The following DOK6 variants were observed in gnomAD, a reference collection of about 807,000 sequenced individuals.
DOK6 encodes docking protein 6.
DOK6 carries 22 observed loss-of-function variants against 44.0 expected under a neutral mutation model. The observed-to-expected ratio is 0.50, with a 90% CI of 0.36 to 0.71. The LOEUF is 0.71. DOK6 is among the 30% of genes least tolerant of loss of function. The pLI, the probability that DOK6 is intolerant of heterozygous loss-of-function variation, is 0.00. For synonymous variants in DOK6, 166 were observed against 145.5 expected (o/e 1.14, Z -1.01); for missense variants, 340 against 416.4 (o/e 0.82, Z 1.60).
chr18:69,737,287 G>A (rs890567845), intron 5 of DOK6, among the ~76,000 whole-genome samples: 28 of 152,306 alleles, frequency 1.8e-4, no homozygotes, highest in African/African-American at 6.3e-4. Context: ...AAGGTGAAAC[G>A]GAAGCAGGGA....
intron 1 of DOK6, among the ~76,000 whole-genome samples, chr18:69,545,894 A>T (rs887302892): frequency 3.3e-5 from 5 of 151,448 alleles, no homozygotes; most frequent in African/African-American, 1.2e-4. Context: ...AAGAAACTAA[A>T]CCTAGAATTT....
intron 1 of DOK6, among the ~76,000 whole-genome samples, chr18:69,448,843 T>C (rs1180977825): frequency 6.6e-6 from 1 of 152,230 alleles, no homozygotes; most frequent in East Asian, 1.9e-4. Flanking sequence ...GCCATGTATA[T>C]ATTTGAAAAA....
intron 5 of DOK6, among the ~76,000 whole-genome samples, chr18:69,722,730 T>C (rs549128636): frequency 1.3e-5 from 2 of 152,338 alleles, no homozygotes; most frequent in African/African-American, 4.8e-5. Flanking sequence ...AGCAAAATAC[T>C]TCATATCTCT....
At chr18:69,563,096 A>G (rs1982877705) in intron 1 of DOK6, among the ~76,000 whole-genome samples, 1 of 152,194 alleles carries the variant, frequency 6.6e-6, no homozygotes, top group East Asian at 1.9e-4. Flanking sequence ...CAAAACCACA[A>G]TGCGATACCA....
At chr18:69,429,488 T>C (rs1978735892) in intron 1 of DOK6, among the ~76,000 whole-genome samples, 1 of 151,520 alleles carries the variant, frequency 6.6e-6, no homozygotes, top group Non-Finnish European at 1.5e-5. Flanking sequence ...GTTTCTTAGA[T>C]TCCTGTTTGT....
intron 1 of DOK6, among the ~76,000 whole-genome samples, chr18:69,409,357 A>C (rs1353005076): frequency 6.6e-6 from 1 of 151,854 alleles, no homozygotes; most frequent in Non-Finnish European, 1.5e-5. Flanking sequence ...TTTCCTAACG[A>C]TTTTTCCATT....
chr18:69,438,426 T>C (rs2122437638), intron 1 of DOK6, among the ~76,000 whole-genome samples: 1 of 152,338 alleles, frequency 6.6e-6, no homozygotes, highest in African/African-American at 2.4e-5. Flanking sequence ...ATCTTTAGGT[T>C]CCACTTCTAA....
At chr18:69,624,504 T>A (rs1984512526) in intron 3 of DOK6, among the ~76,000 whole-genome samples, 1 of 152,084 alleles carries the variant, frequency 6.6e-6, no homozygotes, top group Admixed American at 6.5e-5. Context: ...CTGCTAAAAA[T>A]TGTTTAGTGG....
intron 7 of DOK6, among the ~76,000 whole-genome samples, chr18:69,814,404 C>T (rs928470467): frequency 3.9e-5 from 6 of 152,010 alleles, no homozygotes; most frequent in African/African-American, 1.4e-4. Context: ...GATAGATGGT[C>T]CCATCTGGAG....
intron 1 of DOK6, among the ~76,000 whole-genome samples, chr18:69,541,635 G>A (rs17081183): frequency 0.053 from 8,104 of 151,566 alleles, 776 homozygotes; most frequent in African/African-American, 0.18. Flanking sequence ...CATTGTGCCA[G>A]AAGCTGTTTG....
At chr18:69,617,084 A>G (rs1984301795) in intron 3 of DOK6, among the ~76,000 whole-genome samples, 1 of 49,466 alleles carries the variant, frequency 2.0e-5, no homozygotes, top group African/African-American at 4.9e-5. Context: ...GTATATCCAT[A>G]TATTTGTTAA....
intron 1 of DOK6, among the ~76,000 whole-genome samples, chr18:69,428,023 C>T (rs574927197): frequency 9.9e-5 from 15 of 152,218 alleles, no homozygotes; most frequent in East Asian, 3.9e-4. Context: ...GGTGATCCGC[C>T]GGCCTCAGCC....
chr18:69,544,396 G>C (rs1194266893), intron 1 of DOK6, among the ~76,000 whole-genome samples: 1 of 151,616 alleles, frequency 6.6e-6, no homozygotes, highest in Non-Finnish European at 1.5e-5. Flanking sequence ...AGGTAATGAG[G>C]AATGATCAAA....
chr18:69,428,699 T>A (rs1978712591), intron 1 of DOK6, among the ~76,000 whole-genome samples: 1 of 152,214 alleles, frequency 6.6e-6, no homozygotes, highest in Non-Finnish European at 1.5e-5. Context: ...TGCCTAGGAT[T>A]GTCTAACATG....
chr18:69,411,098 G>GT (rs1414381135), intron 1 of DOK6, among the ~76,000 whole-genome samples: 1 of 152,154 alleles, frequency 6.6e-6, no homozygotes, highest in Non-Finnish European at 1.5e-5. Context: ...CATGCAGATA[G>GT]TAGGTACCCT....
intron 2 of DOK6, among the ~76,000 whole-genome samples, chr18:69,592,924 G>A (rs1435442994): frequency 1.3e-5 from 2 of 152,052 alleles, no homozygotes; most frequent in Non-Finnish European, 2.9e-5. Context: ...AATTTTAAAA[G>A]CTTTCTTTAT....
At chr18:69,452,336 A>G (rs1979493667) in intron 1 of DOK6, among the ~76,000 whole-genome samples, 1 of 151,300 alleles carries the variant, frequency 6.6e-6, no homozygotes, top group African/African-American at 2.4e-5. Flanking sequence ...ATTCCTCAAC[A>G]CATACATTCT....
chr18:69,545,485 CAGAGAT>C (rs2144584101), intron 1 of DOK6, among the ~76,000 whole-genome samples: 2 of 123,226 alleles, frequency 1.6e-5, no homozygotes, highest in African/African-American at 6.2e-5. Context: ...ACAAAATCAG[CAGAGAT>C]CACTATTTCT....
intron 7 of DOK6, among the ~76,000 whole-genome samples, chr18:69,819,431 T>C (rs1435229361): frequency 6.6e-6 from 1 of 152,196 alleles, no homozygotes; most frequent in Non-Finnish European, 1.5e-5. Flanking sequence ...GGGGAACTCA[T>C]GCAACTTGCC....
Sources: gnomAD v4.1 joint callset for allele counts (sites outside exome capture counted in the v4.1 genomes callset) on GRCh38, gnomAD v4.1.1 for gene constraint, MANE v1.5 for transcripts, NCBI Gene and HGNC (gene_info 2026-07-23, HGNC 2026-07-21) for gene names.